Variants in CYP19A1 observed in about 807,000 individuals in gnomAD.
The protein encoded by CYP19A1 is cytochrome P450 family 19 subfamily A member 1, also known as aromatase.
In CYP19A1, 32 loss-of-function variants were observed where a neutral mutation model predicts 44.4. That is an observed-to-expected ratio of 0.72 (90% CI 0.54 to 0.97). The LOEUF is 0.97. Ranked by LOEUF, CYP19A1 falls within the 50% of genes least tolerant of loss-of-function variation. CYP19A1 has a pLI of 0.00. For synonymous variants in CYP19A1, 212 were observed against 215.6 expected, an observed-to-expected ratio of 0.98 and a Z score of 0.14; for missense variants, 598 against 637.8, an observed-to-expected ratio of 0.94 and a Z score of 0.67.
At chr15:51,242,644 G>A in intron 2 of CYP19A1, 124 bp downstream of exon 2, 1 of 702,312 alleles carries the variant, frequency 1.4e-6, no homozygotes, top group South Asian at 1.5e-5. Flanking sequence ...TGCTAACACA[G>A]ACATAGTCTT....
At chr15:51,272,614 C>A (rs1437302991) in intron 1 of CYP19A1, among the ~76,000 whole-genome samples, 3 of 152,160 alleles carry the variant, frequency 2.0e-5, no homozygotes, top group African/African-American at 7.2e-5. Context: ...TGAGTTCGTA[C>A]CTTCACATTA....
intron 1 of CYP19A1, among the ~76,000 whole-genome samples, chr15:51,270,916 G>C (rs1002377885): frequency 3.3e-5 from 5 of 152,154 alleles, no homozygotes; most frequent in African/African-American, 1.2e-4. Context: ...TAGGCTCTGG[G>C]ATTCCACCCC....
intron 1 of CYP19A1, among the ~76,000 whole-genome samples, chr15:51,269,075 T>A (rs1434132038): frequency 6.6e-6 from 1 of 152,158 alleles, no homozygotes; most frequent in African/African-American, 2.4e-5. Flanking sequence ...TGGCTCCTAC[T>A]TTTTTTGTGT....
chr15:51,221,391 A>G (rs1192594508), intron 5 of CYP19A1: 1 of 152,220 alleles, frequency 6.6e-6, no homozygotes, highest in Non-Finnish European at 1.5e-5. Context: ...TATCAGAAAG[A>G]ATGCCAATTC....
In CYP19A1 at chr15:51,222,403, G is replaced by A. The variant is rs1451235851; in HGVS notation, c.574C>T (p.Arg192Cys). ...TTAGAGGTGTCCAGCATGACACGACGCAGAAGGGTCAACACGTCCACATAG... is the reference window on the plus strand; with the variant it reads ...TTAGAGGTGTCCAGCATGACACGACACAGAAGGGTCAACACGTCCACATAG... Reference protein sequence around the residue: ...SGYVDVLTLLRRVMLDTSNTL... With the variant: ...SGYVDVLTLLCRVMLDTSNTL... Residue 192 changes from arginine to cysteine, a missense_variant, in exon 5 of 10, where the codon CGT (arginine) becomes TGT (cysteine). Arg to Cys is a radical substitution (Grantham distance 180). Coordinates refer to ENST00000396402, the MANE Select transcript of CYP19A1 (RefSeq NM_000103.4). The A allele has an allele frequency of 4.3e-6, 7 of 1,614,078 alleles. No individual in the cohort carries two copies. Among genetic ancestry groups the A allele is most frequent in the South Asian group, 2.2e-5 (2 of 91,090 alleles).
intron 1 of CYP19A1, among the ~76,000 whole-genome samples, chr15:51,304,839 G>A (rs961966119): frequency 5.6e-5 from 8 of 142,508 alleles, no homozygotes; most frequent in East Asian, 4.1e-4. Context: ...TTAAAAATGC[G>A]TTTCTAAATA....
intron 1 of CYP19A1, among the ~76,000 whole-genome samples, chr15:51,304,528 T>A (rs1405937151): frequency 6.6e-6 from 1 of 152,244 alleles, no homozygotes; most frequent in Non-Finnish European, 1.5e-5. Context: ...AACCATGGTT[T>A]TCAGTGGATG....
chr15:51,294,713 G>A (rs560623694), intron 1 of CYP19A1, among the ~76,000 whole-genome samples: 4 of 147,478 alleles, frequency 2.7e-5, no homozygotes, highest in South Asian at 2.1e-4. Flanking sequence ...CAGCCGCCCC[G>A]TCTGGCCAGC....
intron 2 of CYP19A1, among the ~76,000 whole-genome samples, chr15:51,240,851 C>T (rs943548588): frequency 3.9e-5 from 6 of 152,108 alleles, no homozygotes; most frequent in Non-Finnish European, 5.9e-5. Flanking sequence ...ACTTGTAAAA[C>T]GACAAGTTTG....
intron 7 of CYP19A1, 138 bp from the exon 8 acceptor site, chr15:51,215,370 C>T: frequency 7.3e-7 from 1 of 1,374,444 alleles, no homozygotes; most frequent in Non-Finnish European, 1.0e-6. Flanking sequence ...TGACTGTGGA[C>T]ATTTTACATG....
intron 1 of CYP19A1, among the ~76,000 whole-genome samples, chr15:51,278,480 T>C (rs1163635310): frequency 6.6e-6 from 1 of 152,138 alleles, no homozygotes; most frequent in Non-Finnish European, 1.5e-5. Context: ...TGCACACACA[T>C]AGATACCTGT....
intron 2 of CYP19A1, among the ~76,000 whole-genome samples, chr15:51,239,472 C>G (rs569414259): frequency 1.3e-5 from 2 of 152,308 alleles, no homozygotes; most frequent in East Asian, 3.9e-4. Flanking sequence ...TGAAAATGAA[C>G]TACACCTGCA....
chr15:51,270,773 C>T (rs1414651509), intron 1 of CYP19A1, among the ~76,000 whole-genome samples: 1 of 152,100 alleles, frequency 6.6e-6, no homozygotes, highest in Non-Finnish European at 1.5e-5. Flanking sequence ...CTCTTTCCTC[C>T]CACCGCAAGC....
At chr15:51,212,876 A>G (rs954203935) in intron 8 of CYP19A1, among the ~76,000 whole-genome samples, 2 of 152,208 alleles carry the variant, frequency 1.3e-5, no homozygotes, top group African/African-American at 2.4e-5. Context: ...TGAGTGGCCA[A>G]TTACCTGTTT....
In CYP19A1 at chr15:51,291,564, A is replaced by G. The variant is rs182827334; in HGVS notation, c.-39+46931T>C. The stretch of plus-strand genomic sequence containing the variant: ...ACAACTAGGATTCCAACCTAGGTGT[A>G]TGACTCCAAAGTCTTGATAATTTCT... On this transcript the variant is annotated intron_variant, in intron 1 of 9. Coordinates refer to ENST00000396402, the MANE Select transcript of CYP19A1 (RefSeq NM_000103.4). Among the ~76,000 whole-genome samples, 35 of 152,324 alleles carry G rather than the reference A, an allele frequency of 2.3e-4. No individual in the cohort carries two copies. The East Asian group carries it at 5.8e-3, about 25-fold the overall frequency.
chr15:51,283,371 G>A (rs767509709), intron 1 of CYP19A1, among the ~76,000 whole-genome samples: 10 of 152,198 alleles, frequency 6.6e-5, no homozygotes, highest in Non-Finnish European at 1.3e-4. Flanking sequence ...GGAGCAATTG[G>A]TGGTGCTATA....
intron 2 of CYP19A1, among the ~76,000 whole-genome samples, chr15:51,241,086 T>A (rs534076162): frequency 2.9e-4 from 44 of 152,348 alleles, no homozygotes; most frequent in African/African-American, 9.9e-4. Flanking sequence ...ACTGTGCTAC[T>A]TGATCTGACT....
chr15:51,265,618 CT>C (rs1171257184), intron 1 of CYP19A1, among the ~76,000 whole-genome samples: 2 of 152,170 alleles, frequency 1.3e-5, no homozygotes, highest in African/African-American at 2.4e-5. Flanking sequence ...CACCTGTCTT[CT>C]TTTGGCTTAT....
At chr15:51,284,520 C>T (rs1482783655) in intron 1 of CYP19A1, among the ~76,000 whole-genome samples, 2 of 152,128 alleles carry the variant, frequency 1.3e-5, no homozygotes, top group Admixed American at 6.5e-5. Flanking sequence ...CTTATTGCAA[C>T]AATGGGATGC....
Sources: gnomAD v4.1 joint callset for allele counts (sites outside exome capture counted in the v4.1 genomes callset) on GRCh38, gnomAD v4.1.1 for gene constraint, MANE v1.5 for transcripts, NCBI Gene and HGNC (gene_info 2026-07-23, HGNC 2026-07-21) for gene names.